IGF1R: variants seen among roughly 807,000 people sequenced by gnomAD.
IGF1R encodes the protein insulin like growth factor 1 receptor, also known as insulin-like growth factor 1 receptor.
A neutral mutation model predicts 144.6 loss-of-function variants in IGF1R; 44 were observed. The observed-to-expected ratio is 0.30, with a 90% confidence interval of 0.24 to 0.39. The LOEUF (loss-of-function observed/expected upper bound fraction) is 0.39, where lower values mean the gene tolerates loss of function less well. Among genes scored for constraint, IGF1R ranks in the 10% least tolerant of loss-of-function variants. The pLI is 1.00. For missense variants in IGF1R, 1,355 were observed against 1,833.7 expected (o/e 0.74, Z 4.77); for synonymous variants, 795 against 722.8 (o/e 1.10, Z -1.60).
chr15:98,938,295 C>T (rs2016235211), intron 17 of IGF1R, among the ~76,000 whole-genome samples: 1 of 152,206 alleles, frequency 6.6e-6, no homozygotes, highest in Non-Finnish European at 1.5e-5. Context: ...TATGGCTTTG[C>T]AGTGCTGTGT....
intron 2 of IGF1R, among the ~76,000 whole-genome samples, chr15:98,807,408 TG>T (rs2056494252): frequency 6.6e-6 from 1 of 152,256 alleles, no homozygotes; most frequent in Non-Finnish European, 1.5e-5. Flanking sequence ...CTTTCCTTGT[TG>T]TGCAACATTA....
chr15:98,670,281 G>C (rs930469497), intron 1 of IGF1R, among the ~76,000 whole-genome samples: 2 of 152,144 alleles, frequency 1.3e-5, no homozygotes, highest in Non-Finnish European at 2.9e-5. Flanking sequence ...AGGGATCTTG[G>C]AGGTCTCCTG....
At chr15:98,848,634 C>G (rs1381759188) in intron 2 of IGF1R, among the ~76,000 whole-genome samples, 1 of 152,194 alleles carries the variant, frequency 6.6e-6, no homozygotes, top group African/African-American at 2.4e-5. Flanking sequence ...ATTTGACTTA[C>G]TCATTTGTGA....
intron 2 of IGF1R, among the ~76,000 whole-genome samples, chr15:98,797,558 G>A (rs2056273644): frequency 6.6e-6 from 1 of 152,196 alleles, no homozygotes; most frequent in South Asian, 2.1e-4. Context: ...GAGCGGGGTG[G>A]TGTTTTCAGG....
At chr15:98,675,636 C>T (rs1301917050) in intron 1 of IGF1R, among the ~76,000 whole-genome samples, 3 of 152,042 alleles carry the variant, frequency 2.0e-5, no homozygotes, top group Non-Finnish European at 4.4e-5. Flanking sequence ...AAGTCAAAAT[C>T]GGTTAATCAT....
intron 1 of IGF1R, among the ~76,000 whole-genome samples, chr15:98,665,833 T>C (rs2052723427): frequency 1.3e-5 from 2 of 152,218 alleles, no homozygotes; most frequent in Admixed American, 6.5e-5. Flanking sequence ...GCTGCTCTCT[T>C]GCTCTGCTCC....
At position 98,739,443 on chromosome 15, in the gene IGF1R, A is replaced by G. The variant is rs564880030; in HGVS notation, c.640+31336A>G. ...ATCACTGTGGATATTTATCCCAAAC[A>G]AAATTGCAAACTGATCAAATGTTAT... On this transcript the variant is annotated intron_variant, in intron 2 of 20. Coordinates refer to ENST00000650285, the MANE Select transcript of IGF1R (RefSeq NM_000875.5). Among the ~76,000 whole-genome samples the G allele has an allele frequency of 3.9e-5, 6 of 152,220 alleles. No homozygotes were observed. The East Asian group carries it at 1.2e-3, about 29-fold the overall frequency.
chr15:98,705,989 G>C (rs1369814835), intron 1 of IGF1R, among the ~76,000 whole-genome samples: 1 of 152,192 alleles, frequency 6.6e-6, no homozygotes, highest in Non-Finnish European at 1.5e-5. Context: ...GATATTTACC[G>C]AGCTTTAAAT....
chr15:98,854,712 G>A (rs922023584), intron 2 of IGF1R, among the ~76,000 whole-genome samples: 4 of 152,154 alleles, frequency 2.6e-5, no homozygotes, highest in Non-Finnish European at 4.4e-5. Flanking sequence ...GAGCCAAGAG[G>A]ATTTCTCCTG....
At chr15:98,716,607 T>C (rs886990444) in intron 2 of IGF1R, among the ~76,000 whole-genome samples, 2 of 152,340 alleles carry the variant, frequency 1.3e-5, no homozygotes, top group African/African-American at 4.8e-5. Flanking sequence ...CTTGCTTTTC[T>C]GTCTTTGGAA....
chr15:98,659,319 T>G (rs2052550904), intron 1 of IGF1R, among the ~76,000 whole-genome samples: 1 of 152,222 alleles, frequency 6.6e-6, no homozygotes, highest in Admixed American at 6.5e-5. Flanking sequence ...ACTTTCTCCC[T>G]TAATATTGTC....
rs1267154320 is a variant in IGF1R, at chr15:98,707,785, C to T, written c.318C>T (p.Ile106=). 1.9e-5 allele frequency: 31 copies of T among 1,614,088 alleles called. No homozygotes were observed. The highest frequency in any genetic ancestry group is 2.4e-5 in the Non-Finnish European group (28 of 1,180,038). ...LGDLFPNLTV[I]RGWKLFYNYA... Reference sequence around the variant, plus strand: ...ACCTCTTCCCCAACCTCACGGTCATCCGCGGCTGGAAACTCTTCTACAACT... The same window carrying T: ...ACCTCTTCCCCAACCTCACGGTCATTCGCGGCTGGAAACTCTTCTACAACT... The change falls in exon 2 of 21, where the codon ATC becomes ATT. Residue 106 remains isoleucine (I), a synonymous_variant. Transcript: ENST00000650285. The surrounding 1 kb of genome is among the most constrained non-coding windows in gnomAD (Gnocchi z 6.7).
chr15:98,885,816 A>ATTTTT (rs3073979), intron 2 of IGF1R, among the ~76,000 whole-genome samples: 3 of 137,708 alleles, frequency 2.2e-5, no homozygotes, highest in African/African-American at 8.0e-5. Context: ...TGAGTCTCCT[A>ATTTTT]TTTTTTTTTT....
chr15:98,823,095 C>T (rs1472362092), intron 2 of IGF1R, among the ~76,000 whole-genome samples: 1 of 152,160 alleles, frequency 6.6e-6, no homozygotes, highest in African/African-American at 2.4e-5. Flanking sequence ...AGTCATACAC[C>T]ATTGTGGTGT....
At chr15:98,921,735 C>G (rs919805755) in intron 10 of IGF1R, among the ~76,000 whole-genome samples, 5 of 152,152 alleles carry the variant, frequency 3.3e-5, no homozygotes, top group Admixed American at 1.3e-4. Context: ...TGCCACACAC[C>G]TCACCTCTCC....
rs550939490 is a variant in IGF1R, at chr15:98,708,233, G to A, written c.640+126G>A. 24 of 833,780 alleles carry A rather than the reference G, an allele frequency of 2.9e-5. No individual in the cohort carries two copies. In the East Asian group the frequency reaches 5.5e-4, roughly 19 times the overall value. The allele number at this position is 833,780 out of a possible 1,614,324, so 51.6% of individuals were successfully genotyped here. A position where few individuals can be genotyped will look rare whatever the true frequency, so the allele number is the denominator to read the frequency against. On this transcript the variant is annotated intron_variant, in intron 2 of 20. Coordinates refer to ENST00000650285, the MANE Select transcript of IGF1R (RefSeq NM_000875.5). ...GGTGCAGTCGTGTTGCATTTAGGAC[G>A]TGGCATGCCTGCTGTGCGGAAGTGG... is the stretch of plus-strand genomic sequence containing the variant.
rs543458108 is a variant in IGF1R, at chr15:98,649,489, C to T, written c.-93C>T. On this transcript the variant is annotated 5_prime_UTR_variant, in exon 1 of 21. Transcript: ENST00000650285. ...GGGGGAGCGAAGACTGAGTTTGAGA[C>T]TTGTTTCCTTTCATTTCCTTTTTTT... is the stretch of plus-strand genomic sequence containing the variant. 103 of 892,046 alleles carry T rather than the reference C, an allele frequency of 1.2e-4. 2 individuals carry two copies. The South Asian group carries it at 1.4e-3, about 12-fold the overall frequency. 55.3% of individuals were successfully genotyped at this position (892,046 alleles called of 1,614,324 possible).
chr15:98,916,152 T>C, intron 9 of IGF1R, 21 bp downstream of exon 9: 1 of 1,613,546 alleles, frequency 6.2e-7, no homozygotes, highest in Non-Finnish European at 8.5e-7. Flanking sequence ...AGCAGCGGCC[T>C]GGACGGAGGG....
intron 2 of IGF1R, among the ~76,000 whole-genome samples, chr15:98,745,377 C>T (rs1243827382): frequency 6.6e-6 from 1 of 152,218 alleles, no homozygotes; most frequent in Non-Finnish European, 1.5e-5. Context: ...TGTGTGTCAT[C>T]GCTGACTACC....
Sources: gnomAD v4.1 joint callset for allele counts (sites outside exome capture counted in the v4.1 genomes callset) on GRCh38, gnomAD v4.1.1 for gene constraint, Gnocchi (gnomAD v3.1) non-coding constraint, MANE v1.5 for transcripts, NCBI Gene and HGNC (gene_info 2026-07-23, HGNC 2026-07-21) for gene names.